The following CCR3 variants were observed in gnomAD, a reference collection of about 807,000 sequenced individuals.
The protein encoded by CCR3 is C-C motif chemokine receptor 3.
For synonymous variants in CCR3, 203 were observed against 179.2 expected (o/e 1.13, Z -1.06); for missense variants, 419 against 437.5 (o/e 0.96, Z 0.38).
chr3:46,212,075 A>G (rs17283264), intron 2 of CCR3, among the ~76,000 whole-genome samples: 8,026 of 152,084 alleles, frequency 0.053, 275 homozygotes, highest in Non-Finnish European at 0.079. Flanking sequence ...ATGGCATCCA[A>G]TTTTGACTTG....
chr3:46,221,131 C>G (rs538394668), intron 2 of CCR3, among the ~76,000 whole-genome samples: 159 of 152,330 alleles, frequency 1.0e-3, no homozygotes, highest in Non-Finnish European at 1.7e-3. Context: ...ACAACTTGAA[C>G]TTGGCCACGG....
intron 2 of CCR3, among the ~76,000 whole-genome samples, chr3:46,219,584 T>C (rs899159495): frequency 6.6e-6 from 1 of 152,086 alleles, no homozygotes; most frequent in African/African-American, 2.4e-5. Context: ...CTTCAAACTA[T>C]ACTACAAGGC....
chr3:46,255,846 G>T (rs756566826), intron 1 of CCR3, among the ~76,000 whole-genome samples: 4 of 152,030 alleles, frequency 2.6e-5, no homozygotes, highest in Non-Finnish European at 5.9e-5. Context: ...GATGCCTCCA[G>T]GTTTGTTCTT....
chr3:46,231,417 C>G (rs1699965227), intron 2 of CCR3, among the ~76,000 whole-genome samples: 1 of 152,174 alleles, frequency 6.6e-6, no homozygotes, highest in South Asian at 2.1e-4. Context: ...CATCTTCCCA[C>G]AATAAGAAAT....
At chr3:46,218,565 T>A (rs980007746) in intron 2 of CCR3, among the ~76,000 whole-genome samples, 3 of 152,090 alleles carry the variant, frequency 2.0e-5, no homozygotes, top group African/African-American at 7.2e-5. Flanking sequence ...TGAATGTGGA[T>A]GCAAAAATCC....
At chr3:46,251,893 C>T (rs1021630331) in intron 1 of CCR3, among the ~76,000 whole-genome samples, 1 of 152,076 alleles carries the variant, frequency 6.6e-6, no homozygotes, top group Non-Finnish European at 1.5e-5. Flanking sequence ...AATGTCATCA[C>T]TTAAGGCAAG....
intron 2 of CCR3, among the ~76,000 whole-genome samples, chr3:46,230,783 G>A (rs912218611): frequency 2.0e-4 from 31 of 152,190 alleles, no homozygotes; most frequent in African/African-American, 6.5e-4. Context: ...CATCTTTATC[G>A]GTGTTAAGGA....
In CCR3 at chr3:46,242,982, C is replaced by CATATATATATATATATATACACATATAT. The variant is rs1553644085; in HGVS notation, c.-12+463_-12+464insCACATATATATATATATATATATATATA. Among the ~76,000 whole-genome samples, 3 of 99,320 alleles carry CATATATATATATATATATACACATATAT rather than the reference C, an allele frequency of 3.0e-5. No homozygotes were observed. In the Admixed American group the frequency reaches 3.0e-4, roughly 10 times the overall value. The allele number at this position is 99,320 out of a possible 152,430, so 65.2% of individuals were successfully genotyped here. On this transcript the variant is annotated intron_variant, in intron 1 of 1. Transcript: ENST00000395940. ...ATATGTGTATATATATATATATACACATATATATATATATATATATACGCA... is the reference window on the plus strand; with the variant it reads ...ATATGTGTATATATATATATATACACATATATATATATATATATACACATATATATATATATATATATATATATACGCA...
At chr3:46,264,221 C>T (rs923677831) in intron 1 of CCR3, 2 of 572,732 alleles carry the variant, frequency 3.5e-6, no homozygotes, top group South Asian at 4.0e-5. Context: ...GATGGAGAAG[C>T]TCCCAGGGGT....
At position 46,266,061 on chromosome 3, in the gene CCR3, C is replaced by T. The variant is rs751015597; in HGVS notation, c.903C>T (p.Tyr301=). 15 of 1,613,946 alleles carry T rather than the reference C, an allele frequency of 9.3e-6. No individual in the cohort carries two copies. Among genetic ancestry groups the T allele is most frequent in the East Asian group, 2.2e-5 (1 of 44,886 alleles). ...YSHCCMNPVI[Y]AFVGERFRKY... is the part of the protein sequence containing the mutation. Reference sequence around the variant, plus strand: ...ACTGCTGCATGAACCCGGTGATCTACGCCTTTGTTGGAGAGAGGTTCCGGA... The same window carrying T: ...ACTGCTGCATGAACCCGGTGATCTATGCCTTTGTTGGAGAGAGGTTCCGGA... The change falls in exon 2 of 2, where the codon TAC becomes TAT. Residue 301 remains tyrosine, a synonymous_variant. Coordinates refer to ENST00000395940, the MANE Select transcript of CCR3 (RefSeq NM_178329.3).
chr3:46,256,257 A>T (rs941493232), intron 1 of CCR3, among the ~76,000 whole-genome samples: 3 of 152,080 alleles, frequency 2.0e-5, no homozygotes, highest in East Asian at 1.9e-4. Context: ...TTTGTGTTTC[A>T]TTTATTATTA....
chr3:46,241,390 G>T (rs1170361579), upstream of CCR3, among the ~76,000 whole-genome samples: 1 of 152,148 alleles, frequency 6.6e-6, no homozygotes. Flanking sequence ...TACCTGCTCT[G>T]TGCCCAGTGC....
chr3:46,238,912 C>T (rs531632580), upstream of CCR3, among the ~76,000 whole-genome samples: 45 of 152,260 alleles, frequency 3.0e-4, 2 homozygotes, highest in South Asian at 8.1e-3. Context: ...AGCAACATAA[C>T]GCAGATCAGC....
intron 2 of CCR3, among the ~76,000 whole-genome samples, chr3:46,232,710 G>A (rs1034011022): frequency 1.3e-5 from 2 of 152,182 alleles, no homozygotes; most frequent in African/African-American, 4.8e-5. Flanking sequence ...CCAGATCAAT[G>A]CTAGACTCTT....
chr3:46,229,532 T>TG (rs1699938731), intron 2 of CCR3, among the ~76,000 whole-genome samples: 1 of 152,142 alleles, frequency 6.6e-6, no homozygotes, highest in Non-Finnish European at 1.5e-5. Flanking sequence ...ACTTAAGGAC[T>TG]GGAAAGCCAT....
At chr3:46,218,617 A>C (rs1455307555) in intron 2 of CCR3, among the ~76,000 whole-genome samples, 1 of 152,198 alleles carries the variant, frequency 6.6e-6, no homozygotes, top group Non-Finnish European at 1.5e-5. Flanking sequence ...GGATATCAAA[A>C]AGGTAATGCA....
chr3:46,222,293 G>A (rs2125923706), intron 2 of CCR3, among the ~76,000 whole-genome samples: 1 of 152,310 alleles, frequency 6.6e-6, no homozygotes, highest in African/African-American at 2.4e-5. Context: ...CATGGGGATA[G>A]ATGAACTTCT....
upstream of CCR3, among the ~76,000 whole-genome samples, chr3:46,239,940 C>T (rs957992209): frequency 6.6e-6 from 1 of 152,174 alleles, no homozygotes; most frequent in Non-Finnish European, 1.5e-5. Context: ...TCAATAGCTC[C>T]CACATTTCCA....
At chr3:46,243,294 C>A (rs115543490) in intron 1 of CCR3, among the ~76,000 whole-genome samples, 1 of 151,974 alleles carries the variant, frequency 6.6e-6, no homozygotes, top group Non-Finnish European at 1.5e-5. Context: ...CTTTGTGGAG[C>A]TTTTTCCCAG....
Sources: allele counts gnomAD v4.1 joint callset (sites outside exome capture counted in the v4.1 genomes callset), GRCh38; gene constraint gnomAD v4.1.1; transcripts MANE v1.5; gene names NCBI Gene and HGNC (gene_info 2026-07-23, HGNC 2026-07-21).